CDH23: variants seen among roughly 807,000 people sequenced by gnomAD.
The protein encoded by CDH23 is cadherin related 23, also known as cadherin-23.
Under a neutral mutation model 317.1 loss-of-function variants are expected in CDH23, and 189 were observed. That is an observed-to-expected ratio of 0.60 (90% CI 0.53 to 0.67). CDH23 has a LOEUF of 0.67. CDH23 is among the 30% of genes least tolerant of loss of function. The pLI is 0.00. For synonymous variants in CDH23, 1,839 were observed against 1,876.8 expected (o/e 0.98, Z 0.52); for missense variants, 4,401 against 4,592.4 (o/e 0.96, Z 1.20).
intron 14 of CDH23, among the ~76,000 whole-genome samples, chr10:71,662,596 C>G (rs1182329381): frequency 1.3e-5 from 2 of 152,184 alleles, no homozygotes; most frequent in Admixed American, 1.3e-4. Flanking sequence ...TCTCTCATCT[C>G]CTTGGCTCAT....
intron 14 of CDH23, among the ~76,000 whole-genome samples, chr10:71,662,517 AG>A (rs1306570280): frequency 6.6e-6 from 1 of 152,104 alleles, no homozygotes; most frequent in Non-Finnish European, 1.5e-5. Context: ...CTGTCATGGT[AG>A]GAGGCGTCAT....
chr10:71,694,083 T>C (rs1865283448), intron 20 of CDH23, 64 bp from the exon 21 acceptor site: 1 of 1,248,734 alleles, frequency 8.0e-7, no homozygotes. Context: ...CTCTCTCTCT[T>C]CTTCCCTCCC....
intron 45 of CDH23, among the ~76,000 whole-genome samples, chr10:71,789,498 G>A (rs772652603): frequency 7.2e-5 from 11 of 152,158 alleles, no homozygotes; most frequent in Non-Finnish European, 1.2e-4. Flanking sequence ...CACATGCACT[G>A]ACCAGGCTCA....
At chr10:71,687,384 G>A (rs1002121318) in intron 18 of CDH23, among the ~76,000 whole-genome samples, 1 of 152,080 alleles carries the variant, frequency 6.6e-6, no homozygotes, top group Non-Finnish European at 1.5e-5. Flanking sequence ...GCTGCTGCCG[G>A]CACACTCCCT....
chr10:71,409,555 G>T (rs1038396681), intron 1 of CDH23, among the ~76,000 whole-genome samples: 10 of 152,118 alleles, frequency 6.6e-5, no homozygotes, highest in African/African-American at 2.4e-4. Context: ...CTGCTGGCCT[G>T]GGGGTGGGAT....
chr10:71,756,395 T>C (rs552567443), intron 38 of CDH23, among the ~76,000 whole-genome samples: 2 of 152,334 alleles, frequency 1.3e-5, no homozygotes, highest in African/African-American at 4.8e-5. Flanking sequence ...ACTAAATTTA[T>C]TGAAGCAGTC....
chr10:71,428,369 C>T (rs1389694199), intron 1 of CDH23, among the ~76,000 whole-genome samples: 1 of 151,990 alleles, frequency 6.6e-6, no homozygotes, highest in Non-Finnish European at 1.5e-5. Flanking sequence ...AACTCCTGAC[C>T]TCAAGTGATC....
rs1410426612 is a variant in CDH23 at position 71,702,422 on chromosome 10, C to T, written c.2588-127C>T. ...GGAGCTGTGAGGCCTAGGCTGCTTC[C>T]TGGAGGGGCCTTTGGGATGGAGGGC... On this transcript the variant is annotated intron_variant, in intron 23 of 69. Transcript: ENST00000224721. 1.6e-5 allele frequency: 21 copies of T among 1,300,682 alleles called. No individual in the cohort carries two copies. The Admixed American group carries it at 3.8e-4, about 24-fold the overall frequency. The allele number at this position is 1,300,682 out of a possible 1,614,324, so 80.6% of individuals were successfully genotyped here.
rs1252162825 is a variant in CDH23 at position 71,732,343 on chromosome 10, G to C, written c.4072G>C (p.Ala1358Pro). 3.8e-6 allele frequency: 6 copies of C among 1,579,838 alleles called. No individual in the cohort carries two copies. The highest frequency in any genetic ancestry group is 5.2e-6 in the Non-Finnish European group (6 of 1,162,526). Residue 1358 changes from alanine (A) to proline (P), a missense_variant, in exon 32 of 70, where the codon GCC (alanine) becomes CCC (proline). This residue lies in a region of CDH23 where 3,068 missense variants were observed against 3,203.3 expected (regional missense o/e 0.96). Transcript: ENST00000224721. ...CTTCAACGCCTACACCAGCACCCAG[G>C]CCAAAGCCCTCTTCAAGATAGACGC... ...YRFNAYTSTQ[A>P]KALFKIDAIT...
chr10:71,539,172 C>T (rs538162119), intron 6 of CDH23, among the ~76,000 whole-genome samples: 1 of 152,320 alleles, frequency 6.6e-6, no homozygotes, highest in Non-Finnish European at 1.5e-5. Flanking sequence ...AGGGCAGACA[C>T]CTGGACCCAT....
At position 71,793,436 on chromosome 10, in the gene CDH23, T is replaced by A; in HGVS notation, c.6508T>A (p.Ser2170Thr). 1.2e-6 allele frequency: 2 copies of A among 1,613,876 alleles called. No individual in the cohort carries two copies. The highest frequency in any genetic ancestry group is 1.7e-6 in the Non-Finnish European group (2 of 1,179,880). The stretch of plus-strand genomic sequence containing the variant: ...CATTCTGATCGATGACATCAATGAC[T>A]CCCGCCCCGAGTTCCTCAACCCCAT... Reference protein sequence around the residue: ...VTILIDDINDSRPEFLNPIQT... With the variant: ...VTILIDDINDTRPEFLNPIQT... Residue 2170 changes from serine to threonine, a missense_variant, in exon 48 of 70, where the codon TCC becomes ACC. Transcript: ENST00000224721.
chr10:71,432,217 CAT>C lies in CDH23; in HGVS notation c.-5-7609_-5-7608del, dbSNP rs377575326. Among the ~76,000 whole-genome samples the C allele has an allele frequency of 5.4e-3, 815 of 151,406 alleles. 10 individuals are homozygous for C. Among genetic ancestry groups the C allele is most frequent in the African/African-American group, 0.019 (764 of 41,226 alleles). On this transcript the variant is annotated intron_variant, in intron 1 of 69. Coordinates refer to ENST00000224721, the MANE Select transcript of CDH23 (RefSeq NM_022124.6). ...AATTGTGTGTGTGTGAGTGTGTGCACATGAGTGTGTTTGAGAATGTGTGTGTG... is the reference window on the plus strand; with the variant it reads ...AATTGTGTGTGTGTGAGTGTGTGCACGAGTGTGTTTGAGAATGTGTGTGTG...
chr10:71,682,683 A>C, intron 18 of CDH23, 111 bp downstream of exon 18: 1 of 1,380,512 alleles, frequency 7.2e-7, no homozygotes, highest in Non-Finnish European at 1.0e-6. Flanking sequence ...CTGTCCCTGC[A>C]CCTTGGGGAG....
intron 41 of CDH23, among the ~76,000 whole-genome samples, chr10:71,779,977 G>A (rs142236811): frequency 2.0e-5 from 3 of 152,354 alleles, no homozygotes; most frequent in Admixed American, 6.5e-5. Flanking sequence ...ATCCAAAGGC[G>A]CCAGCTAGGG....
At chr10:71,553,005 C>A (rs1856681334) in intron 6 of CDH23, among the ~76,000 whole-genome samples, 1 of 152,188 alleles carries the variant, frequency 6.6e-6, no homozygotes, top group South Asian at 2.1e-4. Flanking sequence ...TCAGCTTTTT[C>A]ATCTGTAAGA....
chr10:71,475,494 G>A (rs890289441), intron 3 of CDH23, among the ~76,000 whole-genome samples: 4 of 152,192 alleles, frequency 2.6e-5, no homozygotes, highest in Admixed American at 6.5e-5. Context: ...TCTGAAAAGC[G>A]ACCTTCAGGC....
chr10:71,431,835 C>T (rs1243508843), intron 1 of CDH23, among the ~76,000 whole-genome samples: 5 of 152,186 alleles, frequency 3.3e-5, no homozygotes, highest in Non-Finnish European at 7.3e-5. Context: ...GCCCTTGTAC[C>T]TCCTGACCGG....
At chr10:71,657,203 T>C (rs986670868) in intron 14 of CDH23, among the ~76,000 whole-genome samples, 13 of 152,068 alleles carry the variant, frequency 8.5e-5, no homozygotes, top group Non-Finnish European at 1.3e-4. Context: ...CTAGGCGGGG[T>C]TGGGGTCCTG....
intron 34 of CDH23, among the ~76,000 whole-genome samples, chr10:71,737,441 T>C (rs1197786672): frequency 6.6e-6 from 1 of 152,218 alleles, no homozygotes; most frequent in East Asian, 1.9e-4. Flanking sequence ...CCTATACTTC[T>C]GAGAGCTGCC....
Sources: gnomAD v4.1 joint callset for allele counts (sites outside exome capture counted in the v4.1 genomes callset) on GRCh38, gnomAD v4.1.1 for gene constraint, gnomAD v4.1.1 regional missense constraint, MANE v1.5 for transcripts, NCBI Gene and HGNC (gene_info 2026-07-23, HGNC 2026-07-21) for gene names.